Variants in IL17RE observed in about 807,000 individuals in gnomAD.
IL17RE encodes the protein interleukin 17 receptor E.
Under a neutral mutation model 70.7 loss-of-function variants are expected in IL17RE, and 47 were observed. That is an observed-to-expected ratio of 0.67 (90% CI 0.53 to 0.85). The LOEUF is 0.85. Ranked by LOEUF, IL17RE falls within the 40% of genes least tolerant of loss-of-function variation. The pLI is 0.00. For missense variants in IL17RE, 850 were observed against 893.9 expected, an observed-to-expected ratio of 0.95 and a Z score of 0.63; for synonymous variants, 372 against 381.2, an observed-to-expected ratio of 0.98 and a Z score of 0.28.
rs769851446 is a variant in IL17RE at position 9,911,608 on chromosome 3, G to GC, written c.1227+16dup. ...TACACTGTCAGCCAGGTATGGCCTC[G>GC]CCCCCACTAGGTCCTATTGCTCAGA... On this transcript the variant is annotated intron_variant, in intron 12 of 15. Coordinates refer to ENST00000383814, the MANE Select transcript of IL17RE (RefSeq NM_153480.2). 2.5e-6 allele frequency: 4 copies of GC among 1,607,614 alleles called. No individual in the cohort carries two copies. The African/African-American group carries it at 5.4e-5, about 22-fold the overall frequency.
intron 7 of IL17RE, 132 bp from the exon 8 acceptor site, chr3:9,909,085 C>A: frequency 1.4e-6 from 1 of 699,536 alleles, no homozygotes; most frequent in Non-Finnish European, 2.5e-6. Context: ...ATTGCCCCCT[C>A]CTGCTCGGTC....
At position 9,902,884 on chromosome 3, in the gene IL17RE, C is replaced by T; in HGVS notation, c.-49C>T. 6.2e-7 allele frequency: 1 copy of T among 1,613,980 alleles called. No homozygotes were observed. The highest frequency in any genetic ancestry group is 8.5e-7 in the Non-Finnish European group (1 of 1,179,938). On this transcript the variant is annotated 5_prime_UTR_variant, in exon 1 of 16. Transcript: ENST00000383814. Reference sequence around the variant, plus strand: ...TGCACAGCAAGGCCCTGCCACCCACCTTCAGGCCATGCAGCCATGTTCCGG... The same window carrying T: ...TGCACAGCAAGGCCCTGCCACCCACTTTCAGGCCATGCAGCCATGTTCCGG...
At chr3:9,909,374 C>A (rs1161967019) in intron 8 of IL17RE, 91 bp downstream of exon 8, 9 of 1,109,176 alleles carry the variant, frequency 8.1e-6, no homozygotes, top group Non-Finnish European at 1.2e-5. Flanking sequence ...CACACACACA[C>A]CCCGCACTTC....
At chr3:9,905,646 C>T (rs1040132655) in intron 3 of IL17RE, among the ~76,000 whole-genome samples, 8 of 151,942 alleles carry the variant, frequency 5.3e-5, no homozygotes, top group African/African-American at 1.9e-4. Context: ...TGGTGAAACC[C>T]CGTCTCTACT....
upstream of IL17RE, chr3:9,902,656 T>G (rs763165082): frequency 1.2e-5 from 19 of 1,536,042 alleles, no homozygotes; most frequent in African/African-American, 9.6e-5. Flanking sequence ...CCTTTCCTGT[T>G]ACTTCTCACC....
chr3:9,911,587 C>T lies in IL17RE; in HGVS notation c.1217C>T (p.Thr406Ile). Reference sequence around the variant, plus strand: ...GACACTTTGGTGCCCCCCGTGTACACTGTCAGCCAGGTATGGCCTCGCCCC... The same window carrying T: ...GACACTTTGGTGCCCCCCGTGTACATTGTCAGCCAGGTATGGCCTCGCCCC... ...GQDTLVPPVY[T>I]VSQARGSSPV... Residue 406 changes from threonine to isoleucine, a missense_variant, in exon 12 of 16, where the codon ACT becomes ATT. Transcript: ENST00000383814. The T allele has an allele frequency of 6.2e-7, 1 of 1,612,454 alleles. No homozygotes were observed. The highest frequency in any genetic ancestry group is 8.5e-7 in the Non-Finnish European group (1 of 1,178,602).
rs1164063830 is a variant in IL17RE, at chr3:9,903,507, C to T, written c.148+95C>T. ...CCATTCTAATTTTCAGTTCCCAACC[C>T]GGGAAGTAGCACAATATCAAGGAAA... On this transcript the variant is annotated intron_variant, in intron 2 of 15. Transcript: ENST00000383814. 14 of 1,356,246 alleles carry T rather than the reference C, an allele frequency of 1.0e-5. No homozygotes were observed. In the East Asian group the frequency reaches 1.1e-4, roughly 11 times the overall value. 84.0% of individuals were successfully genotyped at this position (1,356,246 alleles called of 1,614,324 possible).
At chr3:9,911,633 A>C (rs777131824) in intron 12 of IL17RE, 36 bp downstream of exon 12, 3 of 1,579,560 alleles carry the variant, frequency 1.9e-6, no homozygotes, top group Non-Finnish European at 2.6e-6. Context: ...TATTGCTCAG[A>C]GCACAGCCCT....
chr3:9,904,086 C>A lies in IL17RE; in HGVS notation c.203C>A (p.Pro68His), dbSNP rs2082697425. 2 of 1,614,064 alleles carry A rather than the reference C, an allele frequency of 1.2e-6. No individual in the cohort carries two copies. Among genetic ancestry groups the A allele is most frequent in the South Asian group, 2.2e-5 (2 of 91,084 alleles). Residue 68 changes from proline (P) to histidine (H), a missense_variant, in exon 3 of 16, where the codon CCT becomes CAT. Transcript: ENST00000383814. ...TGGTGGGCCCTCTTCTCCACAAAGC[C>A]TTGGTGTGTGCGAGTCTGGCACTGT... ...RTWWALFSTK[P>H]WCVRVWHCSR...
intron 12 of IL17RE, among the ~76,000 whole-genome samples, chr3:9,912,773 G>A (rs914450823): frequency 6.6e-6 from 1 of 152,202 alleles, no homozygotes; most frequent in Admixed American, 6.5e-5. Flanking sequence ...CCCAGCTGAG[G>A]TGGGAGAACC....
chr3:9,912,767 G>A (rs2082923213), intron 12 of IL17RE, among the ~76,000 whole-genome samples: 1 of 152,222 alleles, frequency 6.6e-6, no homozygotes, highest in Admixed American at 6.5e-5. Context: ...TGTAGTCCCA[G>A]CTGAGGTGGG....
intron 12 of IL17RE, among the ~76,000 whole-genome samples, chr3:9,913,333 G>A (rs1458766657): frequency 6.6e-6 from 1 of 152,058 alleles, no homozygotes; most frequent in Non-Finnish European, 1.5e-5. Flanking sequence ...GAACCCAGGA[G>A]GTGGAGGTTG....
Position 9,915,958 on chromosome 3 carries a change from T to C in IL17RE, c.*151T>C. The C allele has an allele frequency of 7.7e-7, 1 of 1,293,294 alleles. No homozygotes were observed. The highest frequency in any genetic ancestry group is 3.1e-5 in the East Asian group (1 of 31,772). 80.1% of individuals were successfully genotyped at this position (1,293,294 alleles called of 1,614,324 possible). ...CATTCCCTGCCTCACAGGCCGGAAG[T>C]CCCAGCCCAGTCCCCGCGCGCGTCC... On this transcript the variant is annotated 3_prime_UTR_variant, in exon 16 of 16. Coordinates refer to ENST00000383814, the MANE Select transcript of IL17RE (RefSeq NM_153480.2). The surrounding 1 kb of genome is among the most constrained non-coding windows in gnomAD (Gnocchi z 4.9).
chr3:9,915,724 G>T lies in IL17RE; in HGVS notation c.1921G>T (p.Gly641Trp). ...FAEATSWGRL[G>W]ARQRRQSRLE... ...AGAGGCCACCAGCTGGGGCCGCCTT[G>T]GGGCGCGGCAGCGCAGGCAGAGCCG... The change falls in exon 16 of 16, where the codon GGG becomes TGG. Residue 641 changes from glycine (G) to tryptophan (W), a missense_variant. Coordinates refer to ENST00000383814, the MANE Select transcript of IL17RE (RefSeq NM_153480.2). The surrounding 1 kb of genome is among the most constrained non-coding windows in gnomAD (Gnocchi z 4.9). 7.0e-7 allele frequency: 1 copy of T among 1,437,956 alleles called. No homozygotes were observed. 89.1% of individuals were successfully genotyped at this position (1,437,956 alleles called of 1,614,324 possible). A position where few individuals can be genotyped will look rare whatever the true frequency, so the allele number is the denominator to read the frequency against.
chr3:9,915,938 C>T lies in IL17RE; in HGVS notation c.*131C>T. 10 of 1,319,930 alleles carry T rather than the reference C, an allele frequency of 7.6e-6. No individual in the cohort carries two copies. Among genetic ancestry groups the T allele is most frequent in the Non-Finnish European group, 8.7e-6 (9 of 1,035,254 alleles). 81.8% of individuals were successfully genotyped at this position (1,319,930 alleles called of 1,614,324 possible). ...GACGACTGGCCGAAAAGCCGCATTCCCTGCCTCACAGGCCGGAAGTCCCAG... is the reference window on the plus strand; with the variant it reads ...GACGACTGGCCGAAAAGCCGCATTCTCTGCCTCACAGGCCGGAAGTCCCAG... On this transcript the variant is annotated 3_prime_UTR_variant, in exon 16 of 16. Transcript: ENST00000383814. The surrounding 1 kb of genome is among the most constrained non-coding windows in gnomAD (Gnocchi z 4.9).
At position 9,915,675 on chromosome 3, in the gene IL17RE, G is replaced by T; in HGVS notation, c.1872G>T (p.Arg624=). 1 of 1,389,574 alleles carries T rather than the reference G, an allele frequency of 7.2e-7. No individual in the cohort carries two copies. The highest frequency in any genetic ancestry group is 1.6e-5 in the South Asian group (1 of 62,044). The allele number at this position is 1,389,574 out of a possible 1,614,324, so 86.1% of individuals were successfully genotyped here. A position where few individuals can be genotyped will look rare whatever the true frequency, so the allele number is the denominator to read the frequency against. The change falls in exon 16 of 16, where the codon CGG becomes CGT. Residue 624 remains arginine (R), a synonymous_variant. Coordinates refer to ENST00000383814, the MANE Select transcript of IL17RE (RefSeq NM_153480.2). This position sits in a 1 kb window ranked among gnomAD's most constrained non-coding sequence, Gnocchi z 4.9. The part of the protein sequence containing the change: ...RLLRDLPRLL[R]ALDARPFAEA... Reference sequence around the variant, plus strand: ...TGCGCGACCTGCCGCGTCTGCTGCGGGCGCTGGACGCGCGGCCTTTCGCAG... The same window carrying T: ...TGCGCGACCTGCCGCGTCTGCTGCGTGCGCTGGACGCGCGGCCTTTCGCAG...
In IL17RE at chr3:9,915,767, G is replaced by A. The variant is rs757201402; in HGVS notation, c.1964G>A (p.Arg655Gln). The A allele has an allele frequency of 3.3e-6, 5 of 1,534,354 alleles. No homozygotes were observed. Among genetic ancestry groups the A allele is most frequent in the South Asian group, 1.2e-5 (1 of 84,590 alleles). ...CAGAGCCGCCTAGAGCTGTGCAGCC[G>A]GCTCGAACGAGAGGCCGCCCGACTT... ...RRQSRLELCS[R>Q]LEREAARLAD... Residue 655 changes from arginine to glutamine, a missense_variant, in exon 16 of 16, where the codon CGG becomes CAG. By Grantham distance (43) the Arg-to-Gln change is conservative. Coordinates refer to ENST00000383814, the MANE Select transcript of IL17RE (RefSeq NM_153480.2). This position sits in a 1 kb window ranked among gnomAD's most constrained non-coding sequence, Gnocchi z 4.9.
chr3:9,911,421 AC>A, intron 11 of IL17RE, 21 bp from the exon 12 acceptor site: 1 of 1,611,654 alleles, frequency 6.2e-7, no homozygotes, highest in Non-Finnish European at 8.5e-7. Context: ...TCCTATCAAC[AC>A]CCCCACCCCG....
chr3:9,915,953 G>T lies in IL17RE; in HGVS notation c.*146G>T. On this transcript the variant is annotated 3_prime_UTR_variant, in exon 16 of 16. Coordinates refer to ENST00000383814, the MANE Select transcript of IL17RE (RefSeq NM_153480.2). This position sits in a 1 kb window ranked among gnomAD's most constrained non-coding sequence, Gnocchi z 4.9. Reference sequence around the variant, plus strand: ...AGCCGCATTCCCTGCCTCACAGGCCGGAAGTCCCAGCCCAGTCCCCGCGCG... The same window carrying T: ...AGCCGCATTCCCTGCCTCACAGGCCTGAAGTCCCAGCCCAGTCCCCGCGCG... 1 of 1,302,326 alleles carries T rather than the reference G, an allele frequency of 7.7e-7. No homozygotes were observed. The highest frequency in any genetic ancestry group is 9.8e-7 in the Non-Finnish European group (1 of 1,019,754). The allele number at this position is 1,302,326 out of a possible 1,614,324, so 80.7% of individuals were successfully genotyped here. A position where few individuals can be genotyped will look rare whatever the true frequency, so the allele number is the denominator to read the frequency against.
Sources: gnomAD v4.1 joint callset for allele counts (sites outside exome capture counted in the v4.1 genomes callset) on GRCh38, gnomAD v4.1.1 for gene constraint, Gnocchi (gnomAD v3.1) non-coding constraint, MANE v1.5 for transcripts, NCBI Gene and HGNC (gene_info 2026-07-23, HGNC 2026-07-21) for gene names.